The following SLC43A2 variants were observed in gnomAD, a reference collection of about 807,000 sequenced individuals.
SLC43A2 encodes the protein large neutral amino acids transporter small subunit 4.
A neutral mutation model predicts 63.2 loss-of-function variants in SLC43A2; 38 were observed. The observed-to-expected ratio is 0.60, with a 90% CI of 0.46 to 0.79. The LOEUF (loss-of-function observed/expected upper bound fraction) is 0.79, where lower values mean the gene tolerates loss of function less well. Ranked by LOEUF, SLC43A2 falls within the 30% of genes least tolerant of loss-of-function variation. The pLI is 0.00. For missense variants in SLC43A2, 644 were observed against 756.2 expected (o/e 0.85, Z 1.74); for synonymous variants, 322 against 331.0 (o/e 0.97, Z 0.30).
Position 1,606,431 on chromosome 17 carries a change from C to T in SLC43A2, c.501+6764G>A, listed in dbSNP as rs1226386397. Among the ~76,000 whole-genome samples, 4 of 152,290 alleles carry T rather than the reference C, an allele frequency of 2.6e-5. No homozygotes were observed. Among genetic ancestry groups the T allele is most frequent in the East Asian group, 1.9e-4 (1 of 5,186 alleles). The stretch of plus-strand genomic sequence containing the variant: ...GAAAATCCACAGAGAAATGTCTCAT[C>T]GGGGAGCCTGGCAACATTTTGAAAC... On this transcript the variant is annotated intron_variant, in intron 5 of 13. Coordinates refer to ENST00000301335, the MANE Select transcript of SLC43A2 (RefSeq NM_152346.3). This position sits in a 1 kb window ranked among gnomAD's most constrained non-coding sequence, Gnocchi z 4.7.
intron 5 of SLC43A2, among the ~76,000 whole-genome samples, chr17:1,602,614 C>A (rs537164487): frequency 3.3e-5 from 5 of 151,654 alleles, no homozygotes; most frequent in Admixed American, 2.0e-4. Flanking sequence ...CCACTGCACT[C>A]CAGCCTGGGC....
In SLC43A2 at chr17:1,583,303, C is replaced by A; in HGVS notation, c.1251G>T (p.Gln417His). The A allele has an allele frequency of 6.2e-7, 1 of 1,614,194 alleles. No individual in the cohort carries two copies. Among genetic ancestry groups the A allele is most frequent in the Non-Finnish European group, 8.5e-7 (1 of 1,180,028 alleles). Residue 417 changes from glutamine to histidine, a missense_variant, in exon 11 of 14, where the codon CAG (glutamine) becomes CAT (histidine). By Grantham distance (24) the Gln-to-His change is conservative. Around this residue, in one of 3 missense-constraint regions of SLC43A2, gnomAD observed 528 missense variants for 623.6 expected, o/e 0.85. Transcript: ENST00000301335. The surrounding 1 kb of genome is among the most constrained non-coding windows in gnomAD (Gnocchi z 5.5). Reference protein sequence around the residue: ...GEKKKKKRDRQIQKITNAMRA... With the variant: ...GEKKKKKRDRHIQKITNAMRA... ...GCATGGCATTAGTGATCTTCTGGAT[C>A]TGCCGGTCCCGCTTCTTCTTTTTCT... is the stretch of plus-strand genomic sequence containing the variant.
At chr17:1,586,928 T>TGGGGCCCCCCCCCCCCCCCCCCCCC in intron 9 of SLC43A2, 1 of 1,232,908 alleles carries the variant, frequency 8.1e-7, no homozygotes, top group Non-Finnish European at 1.1e-6. Context: ...TCCCTGACAA[T>TGGGGCCCCCCCCCCCCCCCCCCCCC]CCCCCCCACC....
At chr17:1,584,645 T>C (rs959550238) in intron 10 of SLC43A2, among the ~76,000 whole-genome samples, 2 of 137,180 alleles carry the variant, frequency 1.5e-5, no homozygotes, top group African/African-American at 5.3e-5. Context: ...AACCCCTGTC[T>C]CTACTAAAAA....
At chr17:1,613,602 G>A (rs950690172) in intron 4 of SLC43A2, among the ~76,000 whole-genome samples, 7 of 152,096 alleles carry the variant, frequency 4.6e-5, no homozygotes, top group African/African-American at 7.2e-5. Context: ...ACAGGCATGC[G>A]CCACCACACC....
At position 1,571,585 on chromosome 17, in the gene SLC43A2, C is replaced by G. The variant is rs778608227; in HGVS notation, c.*4019G>C. The G allele has an allele frequency of 6.6e-6, 1 of 152,298 alleles. No homozygotes were observed. Among genetic ancestry groups the G allele is most frequent in the Non-Finnish European group, 1.5e-5 (1 of 68,090 alleles). The allele number at this position is 152,298 out of a possible 1,614,324, so 9.4% of individuals were successfully genotyped here. ...CACGTGAGCCCAATACTGGATGTCC[C>G]GCCATTTTCAGCCCTGGGGCCTATG... On this transcript the variant is annotated 3_prime_UTR_variant, in exon 14 of 14. Coordinates refer to ENST00000301335, the MANE Select transcript of SLC43A2 (RefSeq NM_152346.3). This position sits in a 1 kb window ranked among gnomAD's most constrained non-coding sequence, Gnocchi z 5.2.
rs1906662492 is a variant in SLC43A2, at chr17:1,606,815, A to AG, written c.501+6379dup. 6.6e-6 allele frequency among the ~76,000 whole-genome samples: 1 copy of AG among 152,218 alleles called. No individual in the cohort carries two copies. Among genetic ancestry groups the AG allele is most frequent in the Non-Finnish European group, 1.5e-5 (1 of 68,020 alleles). On this transcript the variant is annotated intron_variant, in intron 5 of 13. Coordinates refer to ENST00000301335, the MANE Select transcript of SLC43A2 (RefSeq NM_152346.3). The surrounding 1 kb of genome is among the most constrained non-coding windows in gnomAD (Gnocchi z 4.7). ...CTCCACGGATGGCACGCGATGGCCC[A>AG]GGCCCTGTGCTGCAGGGCCCTGGGA...
chr17:1,593,629 C>T lies in SLC43A2; in HGVS notation c.502-350G>A, dbSNP rs1905022834. On this transcript the variant is annotated intron_variant, in intron 5 of 13. Coordinates refer to ENST00000301335, the MANE Select transcript of SLC43A2 (RefSeq NM_152346.3). This position sits in a 1 kb window ranked among gnomAD's most constrained non-coding sequence, Gnocchi z 5.3. ...AACAAAGTTATGAGCCTCAGGCAGC[C>T]CTCAAAGGGAGAAAGCCTGTTAAAA... Among the ~76,000 whole-genome samples the T allele has an allele frequency of 6.6e-6, 1 of 151,976 alleles. No homozygotes were observed. The highest frequency in any genetic ancestry group is 2.1e-4 in the South Asian group (1 of 4,826).
Position 1,616,606 on chromosome 17 carries a change from G to A in SLC43A2, c.324C>T (p.Ile108=), listed in dbSNP as rs770113579. ...TCCTCGGGCCATACTTGTCCATGACGATACCCAGGGGCAGGGTGATGGCAC... is the reference window on the plus strand; with the variant it reads ...TCCTCGGGCCATACTTGTCCATGACAATACCCAGGGGCAGGGTGATGGCAC... ...LLSAITLPLG[I]VMDKYGPRKL... Residue 108 remains isoleucine (I), a synonymous_variant, in exon 3 of 14, where the codon ATC becomes ATT. Transcript: ENST00000301335. 1.1e-5 allele frequency: 18 copies of A among 1,613,910 alleles called. No homozygotes were observed. Among genetic ancestry groups the A allele is most frequent in the Admixed American group, 5.0e-5 (3 of 59,974 alleles).
intron 13 of SLC43A2, 82 bp from the exon 14 acceptor site, chr17:1,575,847 A>C: frequency 2.1e-6 from 3 of 1,455,110 alleles, no homozygotes; most frequent in Non-Finnish European, 2.8e-6. Flanking sequence ...GGGTTTGGGA[A>C]AGGGGAGAAG....
rs59090149 is a variant in SLC43A2 at position 1,591,253 on chromosome 17, G to A, written c.931+16C>T. On this transcript the variant is annotated intron_variant, in intron 8 of 13. Coordinates refer to ENST00000301335, the MANE Select transcript of SLC43A2 (RefSeq NM_152346.3). ...CACTCCCTGCCCGTCGCCCGGCTGC[G>A]GTCTCAGGCGGGTACCTGCGGCATC... 9.4e-3 allele frequency: 15,080 copies of A among 1,600,382 alleles called. 1,161 individuals carry two copies. In the African/African-American group the frequency reaches 0.17, roughly 18 times the overall value.
rs1007932958 is a variant in SLC43A2, at chr17:1,586,161, C to T, written c.1079-110G>A. ...CCCCACAGGCTCTTCTGGGGTCTGC[C>T]CCAGAACCCCCTGTCACTATGGGTC... is the stretch of plus-strand genomic sequence containing the variant. On this transcript the variant is annotated intron_variant, in intron 9 of 13. Transcript: ENST00000301335. 14 of 1,434,746 alleles carry T rather than the reference C, an allele frequency of 9.8e-6. No homozygotes were observed. In the African/African-American group the frequency reaches 1.7e-4, roughly 18 times the overall value. The allele number at this position is 1,434,746 out of a possible 1,614,324, so 88.9% of individuals were successfully genotyped here.
chr17:1,587,558 C>T (rs1329028876), intron 9 of SLC43A2, among the ~76,000 whole-genome samples: 3 of 152,214 alleles, frequency 2.0e-5, no homozygotes, highest in Admixed American at 6.5e-5. Flanking sequence ...GGCCTGGTGG[C>T]CCCTGAGCTG....
rs558104551 is a variant in SLC43A2, at chr17:1,602,137, G to A, written c.502-8858C>T. ...TGTGGGTCGACAAGGGTGCACAAGCGGCAGGGGGCTGCATAGCAAGGTCTC... is the reference window on the plus strand; with the variant it reads ...TGTGGGTCGACAAGGGTGCACAAGCAGCAGGGGGCTGCATAGCAAGGTCTC... On this transcript the variant is annotated intron_variant, in intron 5 of 13. Transcript: ENST00000301335. Among the ~76,000 whole-genome samples the A allele has an allele frequency of 1.5e-4, 23 of 152,264 alleles. No individual in the cohort carries two copies. In the South Asian group the frequency reaches 4.3e-3, roughly 29 times the overall value.
Position 1,593,994 on chromosome 17 carries a change from A to G in SLC43A2, c.502-715T>C, listed in dbSNP as rs1237130401. 6.6e-6 allele frequency among the ~76,000 whole-genome samples: 1 copy of G among 152,014 alleles called. No individual in the cohort carries two copies. The highest frequency in any genetic ancestry group is 1.5e-5 in the Non-Finnish European group (1 of 67,990). Reference sequence around the variant, plus strand: ...CGCGAGATTAGAGATGCCCGCCACCATGCCTGGCTAATTTTTGTATTTTTA... The same window carrying G: ...CGCGAGATTAGAGATGCCCGCCACCGTGCCTGGCTAATTTTTGTATTTTTA... On this transcript the variant is annotated intron_variant, in intron 5 of 13. Transcript: ENST00000301335. The surrounding 1 kb of genome is among the most constrained non-coding windows in gnomAD (Gnocchi z 5.3).
Position 1,575,495 on chromosome 17 carries a change from G to A in SLC43A2, c.*109C>T. On this transcript the variant is annotated 3_prime_UTR_variant, in exon 14 of 14. Transcript: ENST00000301335. ...GCCCCGGGAGGGAGCGTGAACGCTG[G>A]CACGGAGACGGCGAAGGTCCTGGGG... 2 of 1,430,634 alleles carry A rather than the reference G, an allele frequency of 1.4e-6. No individual in the cohort carries two copies. Among genetic ancestry groups the A allele is most frequent in the East Asian group, 2.3e-5 (1 of 43,464 alleles). 88.6% of individuals were successfully genotyped at this position (1,430,634 alleles called of 1,614,324 possible).
At position 1,578,239 on chromosome 17, in the gene SLC43A2, C is replaced by G. The variant is rs771406090; in HGVS notation, c.1424+11G>C. On this transcript the variant is annotated intron_variant, in intron 12 of 13. Transcript: ENST00000301335. This position sits in a 1 kb window ranked among gnomAD's most constrained non-coding sequence, Gnocchi z 6.5. ...TCGCCCACCAGGCCACCTGCGGCTT[C>G]CAGGACTTACACGGCAGCGTACAGG... 2 of 1,611,764 alleles carry G rather than the reference C, an allele frequency of 1.2e-6. No homozygotes were observed. The highest frequency in any genetic ancestry group is 8.5e-7 in the Non-Finnish European group (1 of 1,178,284).
chr17:1,586,166 A>G (rs1019363565), intron 9 of SLC43A2, 115 bp from the exon 10 acceptor site: 13 of 1,432,000 alleles, frequency 9.1e-6, no homozygotes, highest in Non-Finnish European at 1.2e-5. Flanking sequence ...TCTGCCCCAG[A>G]ACCCCCTGTC....
chr17:1,583,071 T>C lies in SLC43A2; in HGVS notation c.1350+133A>G. ...TCCAGCCTGAGCAACAGAGTTTGAC[T>C]CTGTCTCAAAAAAATAAAGAAAGTC... is the stretch of plus-strand genomic sequence containing the variant. On this transcript the variant is annotated intron_variant, in intron 11 of 13. Transcript: ENST00000301335. The surrounding 1 kb of genome is among the most constrained non-coding windows in gnomAD (Gnocchi z 5.5). 3 of 1,012,120 alleles carry C rather than the reference T, an allele frequency of 3.0e-6. No individual in the cohort carries two copies. The highest frequency in any genetic ancestry group is 4.3e-6 in the Non-Finnish European group (3 of 691,346). The allele number at this position is 1,012,120 out of a possible 1,614,324, so 62.7% of individuals were successfully genotyped here.
Sources: allele counts gnomAD v4.1 joint callset (sites outside exome capture counted in the v4.1 genomes callset), GRCh38; gene constraint gnomAD v4.1.1; regional missense constraint gnomAD v4.1.1; non-coding constraint Gnocchi (gnomAD v3.1); transcripts MANE v1.5; gene names NCBI Gene and HGNC (gene_info 2026-07-23, HGNC 2026-07-21).